The following CTNNA3 variants were observed in gnomAD, a reference collection of about 807,000 sequenced individuals.
CTNNA3 encodes catenin alpha-3.
In CTNNA3, 76 loss-of-function variants were observed where a neutral mutation model predicts 95.7. That is an observed-to-expected ratio of 0.79 (90% CI 0.66 to 0.96). The LOEUF (loss-of-function observed/expected upper bound fraction) is 0.96. Among genes scored for constraint, CTNNA3 ranks in the 40% least tolerant of loss-of-function variants. The pLI is 0.00. For synonymous variants in CTNNA3, 431 were observed against 374.4 expected (o/e 1.15, Z -1.74); for missense variants, 1,191 against 1,089.8 (o/e 1.09, Z -1.31).
chr10:66,152,962 T>C (rs972373818), intron 13 of CTNNA3, among the ~76,000 whole-genome samples: 14 of 151,952 alleles, frequency 9.2e-5, no homozygotes, highest in African/African-American at 3.1e-4. Flanking sequence ...TCTAATTAAA[T>C]ATATGTTAAA....
At chr10:67,630,957 T>C (rs1450727237) in intron 2 of CTNNA3, among the ~76,000 whole-genome samples, 1 of 152,186 alleles carries the variant, frequency 6.6e-6, no homozygotes, top group Non-Finnish European at 1.5e-5. Flanking sequence ...TTATAGACAG[T>C]TTCATTATAT....
intron 7 of CTNNA3, among the ~76,000 whole-genome samples, chr10:66,858,981 T>C (rs1589343366): frequency 6.6e-6 from 1 of 152,054 alleles, no homozygotes; most frequent in Admixed American, 6.6e-5. Context: ...AGACCCCATA[T>C]ATAGAGATCT....
chr10:66,738,195 G>T (rs948653920), intron 9 of CTNNA3, among the ~76,000 whole-genome samples: 4 of 152,066 alleles, frequency 2.6e-5, no homozygotes, highest in African/African-American at 9.7e-5. Flanking sequence ...TAATTCCCAA[G>T]GATTGTCAGC....
At chr10:66,057,675 A>G (rs1341850170) in intron 15 of CTNNA3, among the ~76,000 whole-genome samples, 2 of 152,166 alleles carry the variant, frequency 1.3e-5, no homozygotes, top group Non-Finnish European at 2.9e-5. Flanking sequence ...GGCAATGATT[A>G]TTGCTTATAA....
At chr10:67,426,704 T>A (rs1407633229) in intron 5 of CTNNA3, among the ~76,000 whole-genome samples, 1 of 151,674 alleles carries the variant, frequency 6.6e-6, no homozygotes, top group Admixed American at 6.6e-5. Context: ...ATACCTAATG[T>A]AAATGACGAG....
chr10:66,479,721 C>T (rs959531953), intron 11 of CTNNA3, among the ~76,000 whole-genome samples: 2 of 151,804 alleles, frequency 1.3e-5, no homozygotes, highest in Non-Finnish European at 2.9e-5. Flanking sequence ...GAGTACGGAA[C>T]CAAGGAAAGG....
At chr10:66,038,049 CATT>C (rs1353842344) in intron 15 of CTNNA3, among the ~76,000 whole-genome samples, 4 of 152,188 alleles carry the variant, frequency 2.6e-5, no homozygotes, top group Admixed American at 1.3e-4. Flanking sequence ...AAAATAACAT[CATT>C]GTCTGTAATA....
rs2092779745 is a variant in CTNNA3 at position 66,374,604 on chromosome 10, GCCT to G, written c.1732+4545_1732+4547del. 5.4e-5 allele frequency among the ~76,000 whole-genome samples: 7 copies of G among 129,066 alleles called. 1 individual carries two copies. The highest frequency in any genetic ancestry group is 8.7e-5 in the African/African-American group (3 of 34,298). The allele number at this position is 129,066 out of a possible 152,430, so 84.7% of individuals were successfully genotyped here. Reference sequence around the variant, plus strand: ...GCTCATATTCCATTTTGAAAGAAAAGCCTTTTTTTTTTTTTTTTTTTTTTTTTT... The same window carrying G: ...GCTCATATTCCATTTTGAAAGAAAAGTTTTTTTTTTTTTTTTTTTTTTTTT... On this transcript the variant is annotated intron_variant, in intron 12 of 17. Transcript: ENST00000433211.
chr10:67,397,950 A>G (rs1469273093), intron 5 of CTNNA3, among the ~76,000 whole-genome samples: 1 of 152,238 alleles, frequency 6.6e-6, no homozygotes, highest in Non-Finnish European at 1.5e-5. Context: ...TAGATTTCAG[A>G]GGATGTATGG....
chr10:67,675,160 T>A (rs1051917074), intron 1 of CTNNA3, among the ~76,000 whole-genome samples: 1 of 152,090 alleles, frequency 6.6e-6, no homozygotes, highest in African/African-American at 2.4e-5. Flanking sequence ...CCCTATTGGA[T>A]TGTTCGTTTT....
At chr10:66,443,465 G>C (rs1285271954) in intron 11 of CTNNA3, among the ~76,000 whole-genome samples, 1 of 152,098 alleles carries the variant, frequency 6.6e-6, no homozygotes, top group African/African-American at 2.4e-5. Context: ...AAAGCTTCCA[G>C]AGGAACGATC....
chr10:66,864,215 TAATAA>T (rs1844072068), intron 7 of CTNNA3, among the ~76,000 whole-genome samples: 1 of 152,150 alleles, frequency 6.6e-6, no homozygotes, highest in African/African-American at 2.4e-5. Flanking sequence ...AGGTGGGGCC[TAATAA>T]AATGGGATTA....
Position 67,452,109 on chromosome 10 carries a change from G to A in CTNNA3, c.579+69733C>T, listed in dbSNP as rs189257036. On this transcript the variant is annotated intron_variant, in intron 5 of 17. Coordinates refer to ENST00000433211, the MANE Select transcript of CTNNA3 (RefSeq NM_013266.4). ...AAGGAAGGAAGGAAGGAAGGAGTAG[G>A]GAGAAAAAAAGGGAAGATCATATAA... Among the ~76,000 whole-genome samples the A allele has an allele frequency of 5.3e-3, 746 of 141,398 alleles. 10 individuals are homozygous for A. Among genetic ancestry groups the A allele is most frequent in the African/African-American group, 0.02 (709 of 35,944 alleles). The allele number at this position is 141,398 out of a possible 152,430, so 92.8% of individuals were successfully genotyped here.
At chr10:67,721,378 C>A (rs1841179029) in intron 1 of CTNNA3, among the ~76,000 whole-genome samples, 1 of 151,592 alleles carries the variant, frequency 6.6e-6, no homozygotes, top group Admixed American at 6.6e-5. Flanking sequence ...TTTCTTTAAT[C>A]TTGTCTTCAC....
chr10:67,595,787 T>G (rs1842918149), intron 3 of CTNNA3, among the ~76,000 whole-genome samples: 2 of 152,204 alleles, frequency 1.3e-5, no homozygotes, highest in Admixed American at 1.3e-4. Context: ...TGTAAGAACT[T>G]GTTTTATCAA....
intron 12 of CTNNA3, among the ~76,000 whole-genome samples, chr10:66,350,030 C>T (rs985091928): frequency 4.6e-5 from 7 of 152,110 alleles, no homozygotes; most frequent in East Asian, 3.9e-4. Context: ...ATTATAGCAA[C>T]GTAACACATT....
At position 67,259,258 on chromosome 10, in the gene CTNNA3, T is replaced by C. The variant is rs7903974; in HGVS notation, c.580-39388A>G. 6.6e-3 allele frequency among the ~76,000 whole-genome samples: 1,001 copies of C among 152,276 alleles called. 8 individuals carry two copies. The highest frequency in any genetic ancestry group is 0.019 in the African/African-American group (791 of 41,556). The stretch of plus-strand genomic sequence containing the variant: ...TTCTGCGGAGTGAAACCCAAGATAA[T>C]CACTCTTTAAGTGTATCTCTTAGTT... On this transcript the variant is annotated intron_variant, in intron 5 of 17. Transcript: ENST00000433211.
chr10:66,923,579 G>T, intron 7 of CTNNA3, among the ~76,000 whole-genome samples: 1 of 152,210 alleles, frequency 6.6e-6, no homozygotes, highest in East Asian at 1.9e-4. Flanking sequence ...TTACCCTTCT[G>T]TGCTGTGCAA....
rs2079163607 is a variant in CTNNA3 at position 66,019,749 on chromosome 10, C to A, written c.2160-30952G>T. Among the ~76,000 whole-genome samples the A allele has an allele frequency of 2.0e-5, 3 of 151,990 alleles. No individual in the cohort carries two copies. In the South Asian group the frequency reaches 6.3e-4, roughly 32 times the overall value. On this transcript the variant is annotated intron_variant, in intron 15 of 17. Transcript: ENST00000433211. ...GGCAAAAAAAATAGTTAAAAAATTGCTTAGTGTAGTTTGATGTTCCTGCAG... is the reference window on the plus strand; with the variant it reads ...GGCAAAAAAAATAGTTAAAAAATTGATTAGTGTAGTTTGATGTTCCTGCAG...
Sources: gnomAD v4.1 joint callset for allele counts (sites outside exome capture counted in the v4.1 genomes callset) on GRCh38, gnomAD v4.1.1 for gene constraint, MANE v1.5 for transcripts, NCBI Gene and HGNC (gene_info 2026-07-23, HGNC 2026-07-21) for gene names.